Variants in RGS6 observed in about 807,000 individuals in gnomAD.
RGS6 encodes the protein regulator of G-protein signaling 6.
In RGS6, 30 loss-of-function variants were observed where a neutral mutation model predicts 78.5. The observed-to-expected ratio is 0.38, with a 90% CI of 0.29 to 0.52. RGS6 has a LOEUF of 0.52. Among genes scored for constraint, RGS6 ranks in the 20% least tolerant of loss-of-function variants. The probability of loss-of-function intolerance (pLI) is 0.85; values close to 1 mark genes in which losing one functional copy is unlikely to be tolerated. For missense variants in RGS6, 495 were observed against 609.7 expected (o/e 0.81, Z 1.98); for synonymous variants, 206 against 206.0 (o/e 1.00, Z 0.00).
intron 12 of RGS6, among the ~76,000 whole-genome samples, chr14:72,484,190 T>C (rs1307405363): frequency 6.6e-6 from 1 of 152,224 alleles, no homozygotes; most frequent in Non-Finnish European, 1.5e-5. Context: ...GGTCTTCTCA[T>C]GTAGAGGCTC....
chr14:72,621,042 G>C, the RGS6 span, among the ~76,000 whole-genome samples: 1 of 151,836 alleles, frequency 6.6e-6, no homozygotes, highest in Non-Finnish European at 1.5e-5. Flanking sequence ...TCAGGAGGCT[G>C]AGGCAGGAGA....
In RGS6 at chr14:72,100,164, C is replaced by T. The variant is rs17107210; in HGVS notation, c.84+135289C>T. ...AGTAATGGCAAGGCCTGGTAAAAGA[C>T]GGGAGTGATTTCCAGTTTTACAGTT... On this transcript the variant is annotated intron_variant, in intron 2 of 17. Coordinates refer to ENST00000553525, the MANE Select transcript of RGS6 (RefSeq NM_001204424.2). Among the ~76,000 whole-genome samples the T allele has an allele frequency of 7.1e-3, 1,082 of 152,132 alleles. 39 individuals are homozygous for T. The highest frequency in any genetic ancestry group is 0.062 in the Admixed American group (945 of 15,278).
intron 3 of RGS6, among the ~76,000 whole-genome samples, chr14:72,412,198 G>T (rs1472972930): frequency 6.6e-6 from 1 of 152,136 alleles, no homozygotes; most frequent in Non-Finnish European, 1.5e-5. Flanking sequence ...ATCTGGTCCT[G>T]GACTTTTTTT....
At chr14:72,292,440 T>G (rs1275690209) in intron 2 of RGS6, among the ~76,000 whole-genome samples, 5 of 152,208 alleles carry the variant, frequency 3.3e-5, no homozygotes, top group African/African-American at 1.2e-4. Context: ...AACGATGGAA[T>G]TAAAAACGGC....
chr14:72,490,801 G>C, intron 12 of RGS6, among the ~76,000 whole-genome samples: 1 of 152,142 alleles, frequency 6.6e-6, no homozygotes, highest in East Asian at 1.9e-4. Flanking sequence ...ATTACCAGGG[G>C]CTCTTTCATT....
At chr14:71,942,299 G>A (rs1015889714) in intron 1 of RGS6, among the ~76,000 whole-genome samples, 7 of 151,960 alleles carry the variant, frequency 4.6e-5, no homozygotes, top group African/African-American at 1.2e-4. Context: ...ATACTTCACC[G>A]TTACCTCTCT....
In RGS6 at chr14:72,269,567, A is replaced by ATTTTTTTTTTTTTTTTTTTTTTTTTT. The variant is rs56171281; in HGVS notation, c.85-82526_85-82501dup. ...GTTTTTACAGTGAAACCTATCTTAA[A>ATTTTTTTTTTTTTTTTTTTTTTTTTT]TTTTTTTTTTTTTTTTTTTTTTTTT... On this transcript the variant is annotated intron_variant, in intron 2 of 17. Transcript: ENST00000553525. Among the ~76,000 whole-genome samples, 2 of 120,334 alleles carry ATTTTTTTTTTTTTTTTTTTTTTTTTT rather than the reference A, an allele frequency of 1.7e-5. 1 individual carries two copies. The highest frequency in any genetic ancestry group is 3.4e-5 in the Non-Finnish European group (2 of 59,348). The allele number at this position is 120,334 out of a possible 152,430, so 78.9% of individuals were successfully genotyped here.
rs544398894 is a variant in RGS6, at chr14:72,090,256, AC to A, written c.84+125382del. On this transcript the variant is annotated intron_variant, in intron 2 of 17. Transcript: ENST00000553525. ...TAGTAATTTGTTTTTTATATCCTTT[AC>A]ATTAGGGGTTTCTAACCCCCAGGCC... Among the ~76,000 whole-genome samples, 349 of 152,184 alleles carry A rather than the reference AC, an allele frequency of 2.3e-3. 2 individuals carry two copies. The highest frequency in any genetic ancestry group is 7.9e-3 in the African/African-American group (330 of 41,534).
At chr14:71,867,867 C>T in the RGS6 span, among the ~76,000 whole-genome samples, 3 of 152,066 alleles carry the variant, frequency 2.0e-5, no homozygotes, top group Non-Finnish European at 4.4e-5. Context: ...GGAGCCAAGG[C>T]CTCCCAGGGA....
chr14:72,146,067 G>C (rs1006647930), intron 2 of RGS6, among the ~76,000 whole-genome samples: 2 of 152,140 alleles, frequency 1.3e-5, no homozygotes, highest in African/African-American at 2.4e-5. Context: ...CATTTGGCAA[G>C]AACCTTCTTG....
At chr14:71,970,188 G>C (rs1185441755) in intron 2 of RGS6, among the ~76,000 whole-genome samples, 3 of 152,158 alleles carry the variant, frequency 2.0e-5, no homozygotes, top group African/African-American at 7.2e-5. Context: ...TAGCAACACT[G>C]TACATTGCCA....
chr14:72,572,681 T>C, the RGS6 span, among the ~76,000 whole-genome samples: 1 of 152,200 alleles, frequency 6.6e-6, no homozygotes, highest in African/African-American at 2.4e-5. Context: ...CTGATGGGTA[T>C]GGAGTTTCTT....
chr14:72,561,707 A>G (rs778103179), intron 17 of RGS6, among the ~76,000 whole-genome samples: 23 of 152,194 alleles, frequency 1.5e-4, no homozygotes, highest in Non-Finnish European at 2.6e-4. Flanking sequence ...GAACTGCCAC[A>G]TGGGTTATAG....
At chr14:71,912,465 G>A in the RGS6 span, among the ~76,000 whole-genome samples, 17 of 152,212 alleles carry the variant, frequency 1.1e-4, no homozygotes, top group Non-Finnish European at 1.6e-4. Context: ...GAGTGTTATA[G>A]TGTCACTAGG....
At chr14:72,327,366 G>A (rs772391859) in intron 2 of RGS6, among the ~76,000 whole-genome samples, 11 of 152,104 alleles carry the variant, frequency 7.2e-5, no homozygotes, top group Non-Finnish European at 1.6e-4. Context: ...AAAGTACCTG[G>A]AAATTACATG....
chr14:72,450,406 A>G (rs1312388843), intron 3 of RGS6, among the ~76,000 whole-genome samples: 1 of 152,224 alleles, frequency 6.6e-6, no homozygotes, highest in Non-Finnish European at 1.5e-5. Flanking sequence ...CCATAACTGC[A>G]TATCATAAAT....
intron 2 of RGS6, among the ~76,000 whole-genome samples, chr14:72,052,194 T>G (rs2093290636): frequency 6.6e-6 from 1 of 152,210 alleles, no homozygotes. Context: ...AAAAGCCTCC[T>G]GGTATATACC....
chr14:72,513,619 T>G (rs1292519025), intron 14 of RGS6, among the ~76,000 whole-genome samples: 1 of 152,188 alleles, frequency 6.6e-6, no homozygotes, highest in Non-Finnish European at 1.5e-5. Context: ...TGCAGGGAGC[T>G]CCGCTCAGTT....
the RGS6 span, among the ~76,000 whole-genome samples, chr14:72,629,143 G>C: frequency 2.0e-5 from 3 of 152,170 alleles, no homozygotes; most frequent in African/African-American, 4.8e-5. Context: ...AGGTATAAAA[G>C]TAAGTCCTTA....
Sources: allele counts gnomAD v4.1 joint callset (sites outside exome capture counted in the v4.1 genomes callset), GRCh38; gene constraint gnomAD v4.1.1; transcripts MANE v1.5; gene names NCBI Gene and HGNC (gene_info 2026-07-23, HGNC 2026-07-21).